The following N4BP2 variants were observed in gnomAD, a reference collection of about 807,000 sequenced individuals.
N4BP2 encodes the protein NEDD4 binding protein 2, also known as NEDD4-binding protein 2.
N4BP2 carries 91 observed loss-of-function variants against 152.8 expected under a neutral mutation model. The ratio of observed to expected loss-of-function variants is 0.60; its 90% CI spans 0.50 to 0.71. The LOEUF is 0.71. Ranked by LOEUF, N4BP2 falls within the 30% of genes least tolerant of loss-of-function variation. The pLI, the probability that N4BP2 is intolerant of heterozygous loss-of-function variation, is 0.00. For missense variants in N4BP2, 1,923 were observed against 2,059.1 expected, an observed-to-expected ratio of 0.93 and a Z score of 1.28; for synonymous variants, 646 against 705.3, an observed-to-expected ratio of 0.92 and a Z score of 1.33.
the N4BP2 span, among the ~76,000 whole-genome samples, chr4:40,176,876 G>C: frequency 6.6e-6 from 1 of 152,222 alleles, no homozygotes; most frequent in Non-Finnish European, 1.5e-5. Flanking sequence ...CGTGCGGGAA[G>C]CGCTCTAGCA....
the N4BP2 span, among the ~76,000 whole-genome samples, chr4:40,188,863 G>A: frequency 6.6e-6 from 1 of 152,084 alleles, no homozygotes; most frequent in East Asian, 1.9e-4. Context: ...GATCAAGGGA[G>A]GCCGGGTGCA....
Position 40,152,805 on chromosome 4 carries a change from C to T in N4BP2, c.5169C>T (p.Pro1723=), listed in dbSNP as rs1265731994. Residue 1723 remains proline, a synonymous_variant, in exon 17 of 18, where the codon CCC becomes CCT. Coordinates refer to ENST00000261435, the MANE Select transcript of N4BP2 (RefSeq NM_018177.6). ...TEEFKQNGGK[P]YLSVITGRGN... is the part of the protein sequence containing the mutation. ...AATTTAAGCAGAACGGTGGGAAGCC[C>T]TATTTGTCTGTGATTACGGGGAGAG... 9 of 1,613,884 alleles carry T rather than the reference C, an allele frequency of 5.6e-6. No individual in the cohort carries two copies. Among genetic ancestry groups the T allele is most frequent in the Middle Eastern group, 1.7e-4 (1 of 6,060 alleles).
Position 40,074,514 on chromosome 4 carries a change from A to G in N4BP2, c.-115+963A>G, listed in dbSNP as rs115157705. ...GTGAGCCACCACGCCTGGCCTACAC[A>G]GGTTTCTAAGCTTTTACTTATATAT... is the stretch of plus-strand genomic sequence containing the variant. On this transcript the variant is annotated intron_variant, in intron 2 of 17. Coordinates refer to ENST00000261435, the MANE Select transcript of N4BP2 (RefSeq NM_018177.6). 7.7e-3 allele frequency among the ~76,000 whole-genome samples: 1,176 copies of G among 152,170 alleles called. 15 individuals are homozygous for G. Among genetic ancestry groups the G allele is most frequent in the African/African-American group, 0.027 (1,111 of 41,544 alleles).
At position 40,152,763 on chromosome 4, in the gene N4BP2, G is replaced by T; in HGVS notation, c.5144-17G>T. On this transcript the variant is annotated splice_polypyrimidine_tract_variant and intron_variant, in intron 16 of 17. Coordinates refer to ENST00000261435, the MANE Select transcript of N4BP2 (RefSeq NM_018177.6). ...AAGATAAATGAATTTTAACTCCCCTGATTTCTGTTGTAACAGAATTTAAGC... is the reference window on the plus strand; with the variant it reads ...AAGATAAATGAATTTTAACTCCCCTTATTTCTGTTGTAACAGAATTTAAGC... 1 of 1,613,202 alleles carries T rather than the reference G, an allele frequency of 6.2e-7. No individual in the cohort carries two copies. Among genetic ancestry groups the T allele is most frequent in the South Asian group, 1.1e-5 (1 of 90,926 alleles).
Position 40,102,680 on chromosome 4 carries a change from T to C in N4BP2, c.835T>C (p.Phe279Leu), listed in dbSNP as rs773229185. ...AGAATCTGAGTGCGTTGAGGCTCAATTCTCTGAAGCTCCTGTAGATTTGGA... is the reference window on the plus strand; with the variant it reads ...AGAATCTGAGTGCGTTGAGGCTCAACTCTCTGAAGCTCCTGTAGATTTGGA... ...LLESECVEAQFSEAPVDLDAS... is the reference protein window; with the variant it reads ...LLESECVEAQLSEAPVDLDAS... The change falls in exon 4 of 18, where the codon TTC (phenylalanine) becomes CTC (leucine). Residue 279 changes from phenylalanine (F) to leucine (L), a missense_variant. Phe to Leu is a conservative substitution (Grantham distance 22). Coordinates refer to ENST00000261435, the MANE Select transcript of N4BP2 (RefSeq NM_018177.6). The C allele has an allele frequency of 1.2e-6, 2 of 1,614,172 alleles. No homozygotes were observed. The highest frequency in any genetic ancestry group is 1.1e-5 in the South Asian group (1 of 91,068).
At chr4:40,146,188 TA>T (rs1720504739) in intron 16 of N4BP2, among the ~76,000 whole-genome samples, 1 of 151,070 alleles carries the variant, frequency 6.6e-6, no homozygotes, top group South Asian at 2.1e-4. Context: ...AATAAATAAA[TA>T]AAATAAAATA....
chr4:40,171,115 T>G, the N4BP2 span, among the ~76,000 whole-genome samples: 3 of 152,222 alleles, frequency 2.0e-5, no homozygotes, highest in African/African-American at 7.2e-5. Flanking sequence ...GGCATTTAGG[T>G]ATATTTAGCC....
intron 17 of N4BP2, among the ~76,000 whole-genome samples, chr4:40,153,135 A>T (rs1721290214): frequency 6.6e-6 from 1 of 152,240 alleles, no homozygotes; most frequent in African/African-American, 2.4e-5. Flanking sequence ...TCCCTGCTGG[A>T]TTTATGTTGT....
intron 1 of N4BP2, among the ~76,000 whole-genome samples, chr4:40,061,138 G>A (rs1458860265): frequency 6.6e-6 from 1 of 151,708 alleles, no homozygotes; most frequent in Non-Finnish European, 1.5e-5. Context: ...AAAACTTTAT[G>A]CAAGCCCCAG....
At chr4:40,169,772 G>A in the N4BP2 span, among the ~76,000 whole-genome samples, 21 of 151,148 alleles carry the variant, frequency 1.4e-4, no homozygotes, top group African/African-American at 4.8e-4. Flanking sequence ...CGAGACCAGC[G>A]TGACCAACAT....
intron 1 of N4BP2, among the ~76,000 whole-genome samples, chr4:40,068,690 T>C (rs1711807238): frequency 6.6e-6 from 1 of 152,214 alleles, no homozygotes; most frequent in African/African-American, 2.4e-5. Context: ...CTTTAAGCCC[T>C]ACCATACTGT....
intron 1 of N4BP2, among the ~76,000 whole-genome samples, chr4:40,072,675 C>T (rs1373468876): frequency 4.6e-5 from 7 of 151,778 alleles, no homozygotes; most frequent in Admixed American, 2.0e-4. Flanking sequence ...GGACTACACT[C>T]GTGAGCTACC....
At chr4:40,124,348 A>ATT in intron 11 of N4BP2, 143 bp downstream of exon 11, 6 of 432,644 alleles carry the variant, frequency 1.4e-5, no homozygotes, top group East Asian at 4.7e-5. Context: ...TTATTTATTT[A>ATT]TTTATTTTTT....
intron 13 of N4BP2, among the ~76,000 whole-genome samples, chr4:40,134,317 A>T (rs989945322): frequency 6.6e-6 from 1 of 152,164 alleles, no homozygotes; most frequent in African/African-American, 2.4e-5. Flanking sequence ...TTCTATGAGT[A>T]CCTAGAGCAA....
intron 1 of N4BP2, among the ~76,000 whole-genome samples, chr4:40,065,904 A>G (rs1305361891): frequency 6.6e-6 from 1 of 151,506 alleles, no homozygotes; most frequent in African/African-American, 2.4e-5. Context: ...TTTTGCACAT[A>G]GTTTCTGGAC....
chr4:40,153,519 CAG>C (rs1369433385), intron 17 of N4BP2, among the ~76,000 whole-genome samples: 1 of 152,078 alleles, frequency 6.6e-6, no homozygotes, highest in African/African-American at 2.4e-5. Flanking sequence ...TATTTAATAA[CAG>C]AAAATGACAA....
At chr4:40,058,737 C>T (rs1236124539) in intron 1 of N4BP2, among the ~76,000 whole-genome samples, 1 of 151,224 alleles carries the variant, frequency 6.6e-6, no homozygotes, top group African/African-American at 2.4e-5. Context: ...TGTATGTACA[C>T]AGTAGAAGCT....
At chr4:40,098,852 C>A (rs1294566179) in intron 3 of N4BP2, among the ~76,000 whole-genome samples, 1 of 152,126 alleles carries the variant, frequency 6.6e-6, no homozygotes, top group Non-Finnish European at 1.5e-5. Context: ...AGACCTTGTT[C>A]ATAAGCATTT....
chr4:40,187,843 TC>T, the N4BP2 span, among the ~76,000 whole-genome samples: 2 of 152,332 alleles, frequency 1.3e-5, no homozygotes, highest in East Asian at 1.9e-4. Flanking sequence ...TGGGTGGAAT[TC>T]CTTTTGCTTA....
Sources: gnomAD v4.1 joint callset for allele counts (sites outside exome capture counted in the v4.1 genomes callset) on GRCh38, gnomAD v4.1.1 for gene constraint, MANE v1.5 for transcripts, NCBI Gene and HGNC (gene_info 2026-07-23, HGNC 2026-07-21) for gene names.